The following EFNB2 variants were observed in gnomAD, a reference collection of about 807,000 sequenced individuals.
EFNB2 encodes ephrin B2.
Under a neutral mutation model 32.1 loss-of-function variants are expected in EFNB2, and 5 were observed. The observed-to-expected ratio is 0.16, with a 90% CI of 0.08 to 0.33. The LOEUF is 0.33. EFNB2 is among the 10% of genes least tolerant of loss of function. The pLI is 1.00. For missense variants in EFNB2, 263 were observed against 422.6 expected (o/e 0.62, Z 3.31); for synonymous variants, 168 against 166.5 (o/e 1.01, Z -0.07).
At position 106,535,329 on chromosome 13, in the gene EFNB2, G is replaced by A. The variant is rs1364576164; in HGVS notation, c.-365C>T. The A allele has an allele frequency of 6.6e-6, 1 of 151,154 alleles. No individual in the cohort carries two copies. Among genetic ancestry groups the A allele is most frequent in the Non-Finnish European group, 1.5e-5 (1 of 67,842 alleles). 9.4% of individuals were successfully genotyped at this position (151,154 alleles called of 1,614,324 possible). A position where few individuals can be genotyped will look rare whatever the true frequency, so the allele number is the denominator to read the frequency against. ...GGCTGGGACACAAAGACCCGGAGCGGAGACGACCGGCGCGGGCGGCGGGCG... is the reference window on the plus strand; with the variant it reads ...GGCTGGGACACAAAGACCCGGAGCGAAGACGACCGGCGCGGGCGGCGGGCG... On this transcript the variant is annotated 5_prime_UTR_variant, in exon 1 of 5. Coordinates refer to ENST00000646441, the MANE Select transcript of EFNB2 (RefSeq NM_004093.4).
Position 106,521,491 on chromosome 13 carries a change from A to G in EFNB2, c.123-8679T>C, listed in dbSNP as rs1264720902. On this transcript the variant is annotated intron_variant, in intron 1 of 4. Coordinates refer to ENST00000646441, the MANE Select transcript of EFNB2 (RefSeq NM_004093.4). ...CTAGAGGGCCCCCAGTTCCTGGCCCAAAGACCTCAACTTGTATTTGATACA... is the reference window on the plus strand; with the variant it reads ...CTAGAGGGCCCCCAGTTCCTGGCCCGAAGACCTCAACTTGTATTTGATACA... 5 of 152,324 alleles carry G rather than the reference A, an allele frequency of 3.3e-5. No individual in the cohort carries two copies. In the East Asian group the frequency reaches 9.6e-4, roughly 29 times the overall value. The allele number at this position is 152,324 out of a possible 1,614,324, so 9.4% of individuals were successfully genotyped here.
At chr13:106,510,236 TTAA>T (rs1476125424) in intron 2 of EFNB2, 2 of 152,212 alleles carry the variant, frequency 1.3e-5, no homozygotes, top group African/African-American at 4.8e-5. Context: ...ATTGTGTAGA[TTAA>T]TATTATAATT....
At chr13:106,527,781 C>T (rs1010555259) in intron 1 of EFNB2, among the ~76,000 whole-genome samples, 23 of 152,238 alleles carry the variant, frequency 1.5e-4, no homozygotes, top group African/African-American at 5.3e-4. Context: ...TCTGAAATAT[C>T]TTCTCACAGG....
intron 2 of EFNB2, among the ~76,000 whole-genome samples, chr13:106,509,329 C>G (rs1171912992): frequency 6.6e-6 from 1 of 152,090 alleles, no homozygotes; most frequent in African/African-American, 2.4e-5. Context: ...TTTTTCCTCT[C>G]CATGGAAAGA....
intron 4 of EFNB2, among the ~76,000 whole-genome samples, chr13:106,494,095 C>T (rs1292072950): frequency 6.6e-6 from 1 of 152,190 alleles, no homozygotes; most frequent in African/African-American, 2.4e-5. Flanking sequence ...CAGTTTGTCA[C>T]AAGAATTTGA....
intron 1 of EFNB2, among the ~76,000 whole-genome samples, chr13:106,527,992 G>A (rs774229123): frequency 2.0e-5 from 3 of 152,184 alleles, no homozygotes; most frequent in Non-Finnish European, 4.4e-5. Flanking sequence ...AAGCTTGCTG[G>A]ACATTTATCA....
chr13:106,509,626 A>ACT (rs1239304002), intron 2 of EFNB2, among the ~76,000 whole-genome samples: 2 of 81,828 alleles, frequency 2.4e-5, no homozygotes, highest in Non-Finnish European at 4.8e-5. Context: ...ACAGAGCTTG[A>ACT]CTGTGTGTGT....
intron 2 of EFNB2, among the ~76,000 whole-genome samples, chr13:106,507,762 G>A (rs1187431311): frequency 2.0e-5 from 3 of 152,214 alleles, no homozygotes; most frequent in African/African-American, 7.2e-5. Flanking sequence ...GCCTCCAAGA[G>A]GATGCCATGA....
chr13:106,507,669 A>G (rs918040543), intron 2 of EFNB2, among the ~76,000 whole-genome samples: 73 of 152,226 alleles, frequency 4.8e-4, no homozygotes, highest in Admixed American at 4.8e-3. Context: ...TGAACCAATG[A>G]GGGCCCTAAG....
At chr13:106,499,920 T>C (rs1878716755) in intron 2 of EFNB2, among the ~76,000 whole-genome samples, 1 of 152,174 alleles carries the variant, frequency 6.6e-6, no homozygotes, top group South Asian at 2.1e-4. Context: ...AGATTACTGC[T>C]CAGCAAAAAA....
At chr13:106,523,878 G>C (rs1879616082) in intron 1 of EFNB2, among the ~76,000 whole-genome samples, 2 of 152,184 alleles carry the variant, frequency 1.3e-5, no homozygotes, top group African/African-American at 4.8e-5. Context: ...CTCTAAAAAA[G>C]ATGTCATACT....
intron 3 of EFNB2, 115 bp downstream of exon 3, chr13:106,495,633 C>A: frequency 2.0e-6 from 2 of 1,012,862 alleles, no homozygotes; most frequent in South Asian, 1.5e-5. Flanking sequence ...GAAGGGTTTG[C>A]TTTGAAAACT....
intron 1 of EFNB2, chr13:106,516,308 T>C (rs1879311293): frequency 6.6e-6 from 1 of 152,174 alleles, no homozygotes; most frequent in East Asian, 1.9e-4. Flanking sequence ...GTTCTAAGTA[T>C]TGGCAGTCTT....
At chr13:106,505,969 T>A (rs1878936033) in intron 2 of EFNB2, 1 of 152,240 alleles carries the variant, frequency 6.6e-6, no homozygotes. Context: ...CATCCCCAGG[T>A]CGTGACTCCG....
chr13:106,531,886 T>C (rs999574190), intron 1 of EFNB2, among the ~76,000 whole-genome samples: 1 of 152,168 alleles, frequency 6.6e-6, no homozygotes, highest in East Asian at 1.9e-4. Flanking sequence ...GTGTAATGCA[T>C]TGCAGAACAC....
At chr13:106,505,759 C>T (rs1056933998) in intron 2 of EFNB2, among the ~76,000 whole-genome samples, 1 of 152,038 alleles carries the variant, frequency 6.6e-6, no homozygotes, top group Non-Finnish European at 1.5e-5. Context: ...TTTATAAATC[C>T]CAGTGAACCT....
At chr13:106,505,528 A>G (rs953618384) in intron 2 of EFNB2, among the ~76,000 whole-genome samples, 1 of 152,160 alleles carries the variant, frequency 6.6e-6, no homozygotes, top group African/African-American at 2.4e-5. Context: ...GTGATCAAAC[A>G]CTCAGCCCGA....
chr13:106,511,235 T>C (rs1256092368), intron 2 of EFNB2, among the ~76,000 whole-genome samples: 1 of 152,226 alleles, frequency 6.6e-6, no homozygotes, highest in African/African-American at 2.4e-5. Context: ...CTCTCTTTTT[T>C]TTCTTGTTGT....
chr13:106,515,521 TGGCAAAACGTGA>T (rs1879283450), intron 1 of EFNB2, among the ~76,000 whole-genome samples: 1 of 152,184 alleles, frequency 6.6e-6, no homozygotes, highest in Non-Finnish European at 1.5e-5. Context: ...GAACACACTG[TGGCAAAACGTGA>T]GGCAAGAATT....
Sources: allele counts gnomAD v4.1 joint callset (sites outside exome capture counted in the v4.1 genomes callset), GRCh38; gene constraint gnomAD v4.1.1; transcripts MANE v1.5; gene names NCBI Gene and HGNC (gene_info 2026-07-23, HGNC 2026-07-21).